PHACTR2: variants seen among roughly 807,000 people sequenced by gnomAD.
PHACTR2 encodes phosphatase and actin regulator 2, also known as chromosome 6 open reading frame 56.
Under a neutral mutation model 76.0 loss-of-function variants are expected in PHACTR2, and 30 were observed. The ratio of observed to expected loss-of-function variants is 0.39; its 90% confidence interval spans 0.30 to 0.54. The LOEUF (loss-of-function observed/expected upper bound fraction) is 0.54, where lower values mean the gene tolerates loss of function less well. Among genes scored for constraint, PHACTR2 ranks in the 20% least tolerant of loss-of-function variants. The pLI, the probability that PHACTR2 is intolerant of heterozygous loss-of-function variation, is 0.61. For synonymous variants in PHACTR2, 292 were observed against 292.5 expected (o/e 1.00, Z 0.02); for missense variants, 696 against 781.1 (o/e 0.89, Z 1.30).
intron 3 of PHACTR2, among the ~76,000 whole-genome samples, chr6:143,752,814 C>A (rs1431222581): frequency 6.6e-6 from 1 of 152,050 alleles, no homozygotes; most frequent in South Asian, 2.1e-4. Flanking sequence ...TTGCTCAAAC[C>A]TTCCATTTGT....
Position 143,738,423 on chromosome 6 carries a change from A to C in PHACTR2, c.215-10562A>C, listed in dbSNP as rs1202176382. 6.6e-6 allele frequency among the ~76,000 whole-genome samples: 1 copy of C among 151,946 alleles called. No individual in the cohort carries two copies. The highest frequency in any genetic ancestry group is 1.5e-5 in the Non-Finnish European group (1 of 67,994). On this transcript the variant is annotated intron_variant, in intron 2 of 12. Coordinates refer to ENST00000440869, the MANE Select transcript of PHACTR2 (RefSeq NM_001100164.2). This position sits in a 1 kb window ranked among gnomAD's most constrained non-coding sequence, Gnocchi z 4.0. ...GAAAAGATCAACCTAAAATATAAAG[A>C]ATTTCAGCCACCTTTACCCCAGGGC...
rs1776084385 is a variant in PHACTR2 at position 143,618,003 on chromosome 6, G to A, written c.13+9681G>A. On this transcript the variant is annotated intron_variant, in intron 1 of 11. Transcript: ENST00000305766. The surrounding 1 kb of genome is among the most constrained non-coding windows in gnomAD (Gnocchi z 5.2). ...AAAACTATTTCTAAAGAGACTACATGTGAAATTTAACTAAAAAGAGATGTT... is the reference window on the plus strand; with the variant it reads ...AAAACTATTTCTAAAGAGACTACATATGAAATTTAACTAAAAAGAGATGTT... Among the ~76,000 whole-genome samples the A allele has an allele frequency of 6.6e-6, 1 of 152,128 alleles. No homozygotes were observed.
Position 143,777,256 on chromosome 6 carries a change from G to A in PHACTR2, c.1590-72G>A. ...CTCAAAACATGAAAAATAGAGCTTT[G>A]TTGTTTTATTCTGAGTCTCCTACTA... On this transcript the variant is annotated intron_variant, in intron 8 of 12. Transcript: ENST00000440869. This position sits in a 1 kb window ranked among gnomAD's most constrained non-coding sequence, Gnocchi z 4.6. The A allele has an allele frequency of 1.3e-6, 1 of 771,796 alleles. No homozygotes were observed. Among genetic ancestry groups the A allele is most frequent in the Non-Finnish European group, 2.2e-6 (1 of 455,592 alleles). 47.8% of individuals were successfully genotyped at this position (771,796 alleles called of 1,614,324 possible).
chr6:143,658,174 A>T lies in PHACTR2; in HGVS notation c.13+49852A>T, dbSNP rs1165048551. On this transcript the variant is annotated intron_variant, in intron 1 of 11. Coordinates refer to the PHACTR2 transcript ENST00000305766. The surrounding 1 kb of genome is among the most constrained non-coding windows in gnomAD (Gnocchi z 4.1). ...AAATGACAAGTAGAATTTCTGAGTC[A>T]TAGGGTAGGTGTATGTTTAACATTA... is the stretch of plus-strand genomic sequence containing the variant. Among the ~76,000 whole-genome samples, 2 of 152,334 alleles carry T rather than the reference A, an allele frequency of 1.3e-5. No individual in the cohort carries two copies. The highest frequency in any genetic ancestry group is 3.9e-4 in the East Asian group (2 of 5,180).
intron 1 of PHACTR2, among the ~76,000 whole-genome samples, chr6:143,574,692 TA>T (rs61503676): frequency 0.71 from 104,534 of 148,098 alleles, 36,794 homozygotes; most frequent in Middle Eastern, 0.75. Flanking sequence ...TTGATGGCAT[TA>T]AAAAAAAAAA....
At position 143,628,489 on chromosome 6, in the gene PHACTR2, C is replaced by T. The variant is rs145407204; in HGVS notation, c.13+20167C>T. Among the ~76,000 whole-genome samples the T allele has an allele frequency of 6.4e-4, 97 of 152,242 alleles. 2 individuals carry two copies. In the East Asian group the frequency reaches 0.017, roughly 26 times the overall value. Reference sequence around the variant, plus strand: ...CATTCCCTAGCCTGTGGTCCCTTCTCCTAGGTTCTAAGCCATCAGAGTAGC... The same window carrying T: ...CATTCCCTAGCCTGTGGTCCCTTCTTCTAGGTTCTAAGCCATCAGAGTAGC... On this transcript the variant is annotated intron_variant, in intron 1 of 11. Transcript: ENST00000305766.
In PHACTR2 at chr6:143,760,626, C is replaced by T. The variant is rs371888907; in HGVS notation, c.680C>T (p.Thr227Met). The change falls in exon 5 of 13, where the codon ACG (threonine) becomes ATG (methionine). Residue 227 changes from threonine to methionine, a missense_variant. Physicochemically the swap from Thr to Met is moderately conservative, Grantham distance 81. This residue lies in a region of PHACTR2 where 460 missense variants were observed against 450.9 expected (regional missense o/e 1.02). Coordinates refer to ENST00000440869, the MANE Select transcript of PHACTR2 (RefSeq NM_001100164.2). This position sits in a 1 kb window ranked among gnomAD's most constrained non-coding sequence, Gnocchi z 6.4. Reference sequence around the variant, plus strand: ...CCACCCAAGCCAGCAAGCCGAAACACGACCCGAGAGGCTGGTGAGTATGCC... The same window carrying T: ...CCACCCAAGCCAGCAAGCCGAAACATGACCCGAGAGGCTGGTGAGTATGCC... ...VPPPKPASRNTTREAAGSSHS... is the reference protein window; with the variant it reads ...VPPPKPASRNMTREAAGSSHS... 1.7e-4 allele frequency: 267 copies of T among 1,613,738 alleles called. No individual in the cohort carries two copies. Among genetic ancestry groups the T allele is most frequent in the Non-Finnish European group, 2.1e-4 (249 of 1,179,852 alleles).
At chr6:143,552,299 C>T (rs2128427539) in intron 1 of PHACTR2, among the ~76,000 whole-genome samples, 1 of 152,252 alleles carries the variant, frequency 6.6e-6, no homozygotes, top group South Asian at 2.1e-4. Flanking sequence ...AGGACATCTT[C>T]AGATTGCATC....
intron 12 of PHACTR2, among the ~76,000 whole-genome samples, chr6:143,808,699 T>G (rs111356685): frequency 2.6e-5 from 4 of 152,194 alleles, no homozygotes; most frequent in African/African-American, 7.2e-5. Flanking sequence ...AAGAGCTGAA[T>G]GTACTTCTTC....
At chr6:143,657,191 G>A (rs1024295773) in intron 1 of PHACTR2, among the ~76,000 whole-genome samples, 1 of 151,970 alleles carries the variant, frequency 6.6e-6, no homozygotes, top group Non-Finnish European at 1.5e-5. Flanking sequence ...CATGGCACAT[G>A]TAAACCTATG....
rs535786649 is a variant in PHACTR2 at position 143,829,543 on chromosome 6, T to C, written c.*5854T>C. The C allele has an allele frequency of 6.6e-6, 1 of 152,358 alleles. No individual in the cohort carries two copies. Among genetic ancestry groups the C allele is most frequent in the South Asian group, 2.1e-4 (1 of 4,834 alleles). The allele number at this position is 152,358 out of a possible 1,614,324, so 9.4% of individuals were successfully genotyped here. A position where few individuals can be genotyped will look rare whatever the true frequency, so the allele number is the denominator to read the frequency against. Reference sequence around the variant, plus strand: ...AAATGTGGATTAACTGTGGGTTGCATGCCTGTTGTTCATACTTCAGTGATG... The same window carrying C: ...AAATGTGGATTAACTGTGGGTTGCACGCCTGTTGTTCATACTTCAGTGATG... On this transcript the variant is annotated 3_prime_UTR_variant, in exon 13 of 13. Transcript: ENST00000440869.
At position 143,801,090 on chromosome 6, in the gene PHACTR2, G is replaced by T. The variant is rs1390871619; in HGVS notation, c.1846-5967G>T. Among the ~76,000 whole-genome samples, 2 of 152,186 alleles carry T rather than the reference G, an allele frequency of 1.3e-5. No homozygotes were observed. Among genetic ancestry groups the T allele is most frequent in the Non-Finnish European group, 2.9e-5 (2 of 68,044 alleles). On this transcript the variant is annotated intron_variant, in intron 11 of 12. Transcript: ENST00000440869. This position sits in a 1 kb window ranked among gnomAD's most constrained non-coding sequence, Gnocchi z 4.6. ...ACTGTTAGTCTGATGGCTTCCCTTT[G>T]TGGTTAACCCAACCTTTCTCTCTGG...
upstream of PHACTR2, among the ~76,000 whole-genome samples, chr6:143,676,164 AC>A (rs1241255933): frequency 4.6e-5 from 7 of 152,328 alleles, no homozygotes; most frequent in East Asian, 9.6e-4. The surrounding 1 kb of genome is among the most constrained non-coding windows in gnomAD (Gnocchi z 4.8). Context: ...AAATTGCATA[AC>A]CTGGTTAGGG....
At chr6:143,649,868 A>C (rs1562259127) in intron 1 of PHACTR2, among the ~76,000 whole-genome samples, 2 of 152,178 alleles carry the variant, frequency 1.3e-5, no homozygotes, top group Non-Finnish European at 2.9e-5. Context: ...GAAAGAAATA[A>C]AGGGTATCCA....
chr6:143,802,096 G>A (rs1582895650), intron 11 of PHACTR2, among the ~76,000 whole-genome samples: 1 of 152,014 alleles, frequency 6.6e-6, no homozygotes, highest in Non-Finnish European at 1.5e-5. Flanking sequence ...ACTCACCACT[G>A]GCCAATTTTA....
At chr6:143,725,198 CTTTTTTTT>C (rs59963214) in intron 2 of PHACTR2, among the ~76,000 whole-genome samples, 5 of 61,802 alleles carry the variant, frequency 8.1e-5, no homozygotes, top group African/African-American at 2.1e-4. Flanking sequence ...TTTGTGCTGT[CTTTTTTTT>C]TTTTTTTTTT....
rs138875186 is a variant in PHACTR2 at position 143,731,021 on chromosome 6, TA to T, written c.215-17963del. ...CCTCAGCCTTCAAAAGTGCTGAGAT[TA>T]CAGGCGTGAGCCACCACGTCCAGCC... On this transcript the variant is annotated intron_variant, in intron 2 of 12. Coordinates refer to ENST00000440869, the MANE Select transcript of PHACTR2 (RefSeq NM_001100164.2). This position sits in a 1 kb window ranked among gnomAD's most constrained non-coding sequence, Gnocchi z 4.9. 0.014 allele frequency among the ~76,000 whole-genome samples: 2,182 copies of T among 152,310 alleles called. 48 individuals are homozygous for T. Among genetic ancestry groups the T allele is most frequent in the African/African-American group, 0.05 (2,089 of 41,574 alleles).
At chr6:143,674,019 C>G (rs1192944313), upstream of PHACTR2, among the ~76,000 whole-genome samples, 1 of 152,118 alleles carries the variant, frequency 6.6e-6, no homozygotes, top group African/African-American at 2.4e-5. The surrounding 1 kb of genome is among the most constrained non-coding windows in gnomAD (Gnocchi z 4.9). Flanking sequence ...CTAGAATATG[C>G]AAAGTTGTAA....
rs561035634 is a variant in PHACTR2 at position 143,633,679 on chromosome 6, G to A, written c.13+25357G>A. 4.6e-5 allele frequency among the ~76,000 whole-genome samples: 7 copies of A among 152,212 alleles called. No individual in the cohort carries two copies. In the South Asian group the frequency reaches 1.4e-3, roughly 31 times the overall value. On this transcript the variant is annotated intron_variant, in intron 1 of 11. Transcript: ENST00000305766. This position sits in a 1 kb window ranked among gnomAD's most constrained non-coding sequence, Gnocchi z 4.1. ...AAGCATATTAATTATTTATTTCATG[G>A]ATCATGCCTTTGGTGTAGTATCTAA... is the stretch of plus-strand genomic sequence containing the variant.
Sources: allele counts gnomAD v4.1 joint callset (sites outside exome capture counted in the v4.1 genomes callset), GRCh38; gene constraint gnomAD v4.1.1; regional missense constraint gnomAD v4.1.1; non-coding constraint Gnocchi (gnomAD v3.1); transcripts MANE v1.5; gene names NCBI Gene and HGNC (gene_info 2026-07-23, HGNC 2026-07-21).